Variants in BICC1 observed in about 807,000 individuals in gnomAD.
The protein encoded by BICC1 is BicC family RNA binding protein 1.
BICC1 carries 43 observed loss-of-function variants against 111.0 expected under a neutral mutation model. The ratio of observed to expected loss-of-function variants is 0.39; its 90% confidence interval spans 0.30 to 0.50. The LOEUF (loss-of-function observed/expected upper bound fraction) is 0.50, where lower values mean the gene tolerates loss of function less well. Among genes scored for constraint, BICC1 ranks in the 20% least tolerant of loss-of-function variants. BICC1 has a pLI of 0.88. For synonymous variants in BICC1, 467 were observed against 434.4 expected (o/e 1.07, Z -0.93); for missense variants, 1,091 against 1,203.2 (o/e 0.91, Z 1.38).
At chr10:58,779,269 A>C (rs981125173) in intron 3 of BICC1, among the ~76,000 whole-genome samples, 8 of 152,216 alleles carry the variant, frequency 5.3e-5, no homozygotes, top group African/African-American at 1.7e-4. Context: ...ATAGGGTTTG[A>C]AGTAGACTCT....
intron 1 of BICC1, among the ~76,000 whole-genome samples, chr10:58,569,143 A>C (rs780874717): frequency 5.3e-5 from 8 of 152,210 alleles, no homozygotes; most frequent in Non-Finnish European, 7.3e-5. Context: ...GTATGTTTAA[A>C]AGTTACATTG....
At chr10:58,530,051 A>G (rs941082507) in intron 1 of BICC1, among the ~76,000 whole-genome samples, 1 of 151,820 alleles carries the variant, frequency 6.6e-6, no homozygotes, top group African/African-American at 2.4e-5. Context: ...ATGAGTGCAT[A>G]TTATGGGACT....
intron 1 of BICC1, among the ~76,000 whole-genome samples, chr10:58,562,545 G>A (rs1240350127): frequency 6.6e-6 from 1 of 151,926 alleles, no homozygotes; most frequent in Admixed American, 6.6e-5. Context: ...TTCTCAGTCT[G>A]TATTCTCTTG....
intron 2 of BICC1, among the ~76,000 whole-genome samples, chr10:58,669,611 A>C (rs1247248594): frequency 6.6e-6 from 1 of 152,112 alleles, no homozygotes; most frequent in Non-Finnish European, 1.5e-5. Flanking sequence ...AACATGCAAA[A>C]ATACGTTGAG....
intron 3 of BICC1, among the ~76,000 whole-genome samples, chr10:58,742,664 CTG>C (rs1841707864): frequency 6.6e-6 from 1 of 151,982 alleles, no homozygotes; most frequent in Non-Finnish European, 1.5e-5. Flanking sequence ...TCTTGAACTC[CTG>C]ACCTCAAGTG....
chr10:58,709,801 C>T (rs1840516548), intron 3 of BICC1, among the ~76,000 whole-genome samples: 1 of 152,110 alleles, frequency 6.6e-6, no homozygotes, highest in Admixed American at 6.5e-5. Context: ...TCTGAATAGT[C>T]CTAATGATGA....
intron 2 of BICC1, among the ~76,000 whole-genome samples, chr10:58,647,426 T>C (rs755559644): frequency 1.6e-4 from 25 of 152,192 alleles, no homozygotes; most frequent in Non-Finnish European, 2.6e-4. Flanking sequence ...GGCCTTTAGC[T>C]TATTTCAGAA....
intron 2 of BICC1, among the ~76,000 whole-genome samples, chr10:58,626,855 A>G (rs1261903431): frequency 6.6e-6 from 1 of 152,216 alleles, no homozygotes; most frequent in Non-Finnish European, 1.5e-5. Flanking sequence ...CTGTAATCCC[A>G]GCACTTTGGG....
rs150336332 is a variant in BICC1, at chr10:58,663,287, G to A, written c.238-38787G>A. Among the ~76,000 whole-genome samples, 1,387 of 152,002 alleles carry A rather than the reference G, an allele frequency of 9.1e-3. 10 individuals carry two copies. The highest frequency in any genetic ancestry group is 0.019 in the South Asian group (94 of 4,826). On this transcript the variant is annotated intron_variant, in intron 2 of 20. Coordinates refer to ENST00000373886, the MANE Select transcript of BICC1 (RefSeq NM_001080512.3). ...TCACCATGTTGACCAGGCTGGTCTC[G>A]AACTCCTGTCCTCAGGTGATCCACC... is the stretch of plus-strand genomic sequence containing the variant.
At chr10:58,567,935 G>A (rs1303098201) in intron 1 of BICC1, among the ~76,000 whole-genome samples, 1 of 152,094 alleles carries the variant, frequency 6.6e-6, no homozygotes, top group Non-Finnish European at 1.5e-5. Context: ...TATATTTGGA[G>A]AAGACTGGGA....
chr10:58,520,005 T>G (rs1842349062), intron 1 of BICC1, among the ~76,000 whole-genome samples: 2 of 152,340 alleles, frequency 1.3e-5, no homozygotes, highest in East Asian at 3.9e-4. Flanking sequence ...CTCGCCCTTT[T>G]GGCTTTTCAT....
intron 1 of BICC1, among the ~76,000 whole-genome samples, chr10:58,563,319 T>C (rs1843662740): frequency 6.6e-6 from 1 of 152,108 alleles, no homozygotes. Flanking sequence ...CCATGTTAAC[T>C]TTAGGCAGCT....
rs149575039 is a variant in BICC1 at position 58,520,932 on chromosome 10, G to C, written c.190+7599G>C. 2.0e-5 allele frequency among the ~76,000 whole-genome samples: 3 copies of C among 152,110 alleles called. No individual in the cohort carries two copies. In the East Asian group the frequency reaches 5.8e-4, roughly 30 times the overall value. ...TGTACCATATGTCAGGTGCAGTGTT[G>C]AGCTTTGGGGATGCAGATGAAACCA... is the stretch of plus-strand genomic sequence containing the variant. On this transcript the variant is annotated intron_variant, in intron 1 of 20. Coordinates refer to ENST00000373886, the MANE Select transcript of BICC1 (RefSeq NM_001080512.3).
intron 8 of BICC1, among the ~76,000 whole-genome samples, chr10:58,793,179 A>T (rs527558462): frequency 6.6e-6 from 1 of 152,348 alleles, no homozygotes; most frequent in African/African-American, 2.4e-5. Flanking sequence ...TTCTAGCATA[A>T]CTTAACAAAA....
At chr10:58,624,565 A>G (rs1334991220) in intron 2 of BICC1, among the ~76,000 whole-genome samples, 1 of 152,122 alleles carries the variant, frequency 6.6e-6, no homozygotes, top group Admixed American at 6.5e-5. Flanking sequence ...AAGAGAAAAA[A>G]GTAATCTGTA....
intron 2 of BICC1, among the ~76,000 whole-genome samples, chr10:58,672,731 T>C (rs935843191): frequency 2.0e-5 from 3 of 152,218 alleles, no homozygotes; most frequent in Non-Finnish European, 4.4e-5. Context: ...GTTTTATAAA[T>C]GAATGCTCAG....
intron 2 of BICC1, chr10:58,648,700 C>T (rs1287176665): frequency 1.0e-6 from 1 of 975,356 alleles, no homozygotes; most frequent in Non-Finnish European, 1.2e-6. Flanking sequence ...GTTGGAAATC[C>T]TCTCTGTTGT....
intron 19 of BICC1, among the ~76,000 whole-genome samples, chr10:58,819,569 A>G (rs1056921169): frequency 5.3e-5 from 8 of 152,182 alleles, no homozygotes; most frequent in African/African-American, 1.9e-4. Context: ...ATATATCAAC[A>G]TGCATTATTA....
intron 3 of BICC1, among the ~76,000 whole-genome samples, chr10:58,758,931 A>ATATT (rs141127868): frequency 0.041 from 5,875 of 144,080 alleles, 168 homozygotes; most frequent in Non-Finnish European, 0.044. Flanking sequence ...GATCATTAAA[A>ATATT]TATTTATTTA....
Sources: allele counts gnomAD v4.1 joint callset (sites outside exome capture counted in the v4.1 genomes callset), GRCh38; gene constraint gnomAD v4.1.1; transcripts MANE v1.5; gene names NCBI Gene and HGNC (gene_info 2026-07-23, HGNC 2026-07-21).